Variants in EYS observed in about 807,000 individuals in gnomAD.
The protein encoded by EYS is protein eyes shut homolog.
In EYS, 250 loss-of-function variants were observed where a neutral mutation model predicts 282.1. That is an observed-to-expected ratio of 0.89 (90% CI 0.80 to 0.98). The LOEUF (loss-of-function observed/expected upper bound fraction) is 0.98. EYS is among the 50% of genes least tolerant of loss of function. The pLI is 0.00. For synonymous variants in EYS, 1,355 were observed against 1,282.9 expected (o/e 1.06, Z -1.20); for missense variants, 4,016 against 3,709.0 (o/e 1.08, Z -2.15).
chr6:64,422,970 CT>C (rs1554159345), intron 28 of EYS, among the ~76,000 whole-genome samples: 1 of 79,772 alleles, frequency 1.3e-5, no homozygotes, highest in Non-Finnish European at 2.9e-5. Context: ...AAAATACTTT[CT>C]TTTTTATTTT....
At chr6:65,391,428 C>T (rs1359346091) in intron 7 of EYS, among the ~76,000 whole-genome samples, 1 of 152,114 alleles carries the variant, frequency 6.6e-6, no homozygotes, top group Non-Finnish European at 1.5e-5. Flanking sequence ...ACCCCATTGT[C>T]TCAGCCCAAA....
chr6:63,991,299 G>A (rs1324757979), intron 34 of EYS, among the ~76,000 whole-genome samples: 1 of 151,662 alleles, frequency 6.6e-6, no homozygotes, highest in African/African-American at 2.4e-5. Flanking sequence ...TATCAAATGT[G>A]TGGATTCCAC....
chr6:65,497,940 T>A (rs1766312163), intron 2 of EYS, among the ~76,000 whole-genome samples: 1 of 151,968 alleles, frequency 6.6e-6, no homozygotes, highest in Admixed American at 6.6e-5. Flanking sequence ...GTGAGTGCAA[T>A]TAAAAGAATT....
chr6:64,653,774 A>T (rs933062243), intron 22 of EYS, among the ~76,000 whole-genome samples: 2 of 144,764 alleles, frequency 1.4e-5, no homozygotes, highest in Non-Finnish European at 3.0e-5. Context: ...TATGTTGCCA[A>T]GGCTGATCTC....
intron 1 of EYS, among the ~76,000 whole-genome samples, chr6:65,693,613 G>T (rs1392695434): frequency 6.0e-5 from 9 of 149,732 alleles, no homozygotes; most frequent in Non-Finnish European, 1.3e-4. Context: ...TAATATTAGA[G>T]AAGTATTAAG....
intron 12 of EYS, among the ~76,000 whole-genome samples, chr6:65,278,121 T>C (rs900257332): frequency 1.4e-5 from 2 of 141,070 alleles, no homozygotes; most frequent in African/African-American, 5.1e-5. Context: ...TGTTGGCCTG[T>C]GGACTGGAAT....
intron 2 of EYS, among the ~76,000 whole-genome samples, chr6:65,607,972 C>A (rs1412297718): frequency 4.6e-5 from 7 of 151,940 alleles, no homozygotes; most frequent in Admixed American, 3.3e-4. Context: ...ATATTTTTAT[C>A]TTTATCTTGC....
At chr6:64,962,502 G>A (rs1037906521) in intron 14 of EYS, among the ~76,000 whole-genome samples, 16 of 151,830 alleles carry the variant, frequency 1.1e-4, no homozygotes, top group African/African-American at 2.7e-4. Flanking sequence ...AGGCCAAGGC[G>A]GGAGGATCAC....
intron 12 of EYS, among the ~76,000 whole-genome samples, chr6:65,240,044 C>G (rs1163504694): frequency 6.6e-6 from 1 of 151,664 alleles, no homozygotes; most frequent in Non-Finnish European, 1.5e-5. Context: ...TCTCAGCTCA[C>G]TGCAACCTCT....
At chr6:64,818,232 G>A (rs1764797428) in intron 21 of EYS, among the ~76,000 whole-genome samples, 1 of 152,046 alleles carries the variant, frequency 6.6e-6, no homozygotes, top group African/African-American at 2.4e-5. Context: ...CTGTTTGTGT[G>A]TGCATATCCA....
intron 30 of EYS, among the ~76,000 whole-genome samples, chr6:64,294,864 T>C (rs898743360): frequency 5.3e-5 from 8 of 152,202 alleles, no homozygotes; most frequent in Non-Finnish European, 1.2e-4. Context: ...TACATGCCTT[T>C]TTAATAAAGT....
intron 30 of EYS, among the ~76,000 whole-genome samples, chr6:64,294,781 CTTTAA>C (rs55863233): frequency 7.9e-4 from 120 of 152,244 alleles, no homozygotes; most frequent in Non-Finnish European, 1.4e-3. Context: ...AGTATTATCA[CTTTAA>C]TTTAAAAAAT....
At chr6:64,025,018 A>G (rs1290323500) in intron 33 of EYS, among the ~76,000 whole-genome samples, 3 of 152,102 alleles carry the variant, frequency 2.0e-5, no homozygotes, top group South Asian at 2.1e-4. Flanking sequence ...ACCATCGCCT[A>G]TTGCCGAGCA....
intron 33 of EYS, among the ~76,000 whole-genome samples, chr6:64,021,026 C>T (rs188413300): frequency 1.9e-3 from 285 of 152,146 alleles, no homozygotes; most frequent in Non-Finnish European, 3.0e-3. Context: ...ATGAGGAAAC[C>T]TTATCATTAT....
At chr6:65,182,619 C>T (rs1396295011) in intron 12 of EYS, among the ~76,000 whole-genome samples, 7 of 151,802 alleles carry the variant, frequency 4.6e-5, no homozygotes, top group Admixed American at 3.3e-4. Context: ...AATTTAAATG[C>T]TAATCCTCAC....
chr6:65,557,954 C>T (rs6932247), intron 2 of EYS, among the ~76,000 whole-genome samples: 1 of 151,616 alleles, frequency 6.6e-6, no homozygotes, highest in Non-Finnish European at 1.5e-5. Context: ...AGCTCACAAG[C>T]GAGGAAATCC....
intron 33 of EYS, among the ~76,000 whole-genome samples, chr6:64,062,155 T>C (rs1464440412): frequency 1.3e-5 from 2 of 152,136 alleles, no homozygotes; most frequent in Admixed American, 6.6e-5. Flanking sequence ...GAAAAAGCCG[T>C]ACCAAAAGAC....
chr6:64,860,356 G>A (rs1031366573), intron 19 of EYS, among the ~76,000 whole-genome samples: 3 of 152,228 alleles, frequency 2.0e-5, no homozygotes, highest in African/African-American at 7.2e-5. Flanking sequence ...GCCTGCCAAG[G>A]TTGAGCAGAG....
At chr6:64,496,530 C>G (rs1776893981) in intron 26 of EYS, among the ~76,000 whole-genome samples, 1 of 151,900 alleles carries the variant, frequency 6.6e-6, no homozygotes, top group Non-Finnish European at 1.5e-5. Context: ...TTGTCTCATT[C>G]TATTATATAA....
Sources: allele counts gnomAD v4.1 joint callset (sites outside exome capture counted in the v4.1 genomes callset), GRCh38; gene constraint gnomAD v4.1.1; transcripts MANE v1.5; gene names NCBI Gene and HGNC (gene_info 2026-07-23, HGNC 2026-07-21).